Variants in NEDD4L observed in about 807,000 individuals in gnomAD.
NEDD4L encodes E3 ubiquitin-protein ligase NEDD4-like.
NEDD4L carries 54 observed loss-of-function variants against 148.9 expected under a neutral mutation model. The observed-to-expected ratio is 0.36, with a 90% confidence interval of 0.29 to 0.45. The LOEUF (loss-of-function observed/expected upper bound fraction) is 0.45. NEDD4L is among the 20% of genes least tolerant of loss of function. The pLI is 1.00. For synonymous variants in NEDD4L, 433 were observed against 440.7 expected, an observed-to-expected ratio of 0.98 and a Z score of 0.22; for missense variants, 856 against 1,233.8, an observed-to-expected ratio of 0.69 and a Z score of 4.59.
chr18:58,366,093 T>C lies in NEDD4L; in HGVS notation c.1928T>C (p.Val643Ala). Residue 643 changes from valine to alanine, a missense_variant, in exon 21 of 31, where the codon GTC (valine) becomes GCC (alanine). Around this residue, in one of 4 missense-constraint regions of NEDD4L, gnomAD observed 286 missense variants for 531.8 expected, o/e 0.54. Coordinates refer to ENST00000400345, the MANE Select transcript of NEDD4L (RefSeq NM_001144967.3). This position sits in a 1 kb window ranked among gnomAD's most constrained non-coding sequence, Gnocchi z 4.2. ...RRIMSVKRPD[V>A]LKARLWIEFE... Reference sequence around the variant, plus strand: ...ATTATGTCCGTGAAAAGACCAGATGTCCTAAAAGCTAGACTGTGGATTGAG... The same window carrying C: ...ATTATGTCCGTGAAAAGACCAGATGCCCTAAAAGCTAGACTGTGGATTGAG... The C allele has an allele frequency of 1.9e-6, 3 of 1,613,582 alleles. No individual in the cohort carries two copies. Among genetic ancestry groups the C allele is most frequent in the Non-Finnish European group, 2.5e-6 (3 of 1,179,712 alleles).
At chr18:58,386,518 CACTGCCCAGATCGA>C (rs1242977849) in intron 26 of NEDD4L, among the ~76,000 whole-genome samples, 44 of 152,246 alleles carry the variant, frequency 2.9e-4, no homozygotes, top group Non-Finnish European at 4.4e-4. Flanking sequence ...GCAAAGTGGG[CACTGCCCAGATCGA>C]ACTTTTAATA....
chr18:58,310,696 C>T (rs2057587235), intron 5 of NEDD4L, among the ~76,000 whole-genome samples: 2 of 152,196 alleles, frequency 1.3e-5, no homozygotes, highest in South Asian at 4.1e-4. Context: ...AGGTGCCTGA[C>T]AAGTGGAAGG....
intron 30 of NEDD4L, among the ~76,000 whole-genome samples, chr18:58,393,745 A>G (rs17064948): frequency 0.015 from 2,214 of 152,318 alleles, 56 homozygotes; most frequent in African/African-American, 0.051. Context: ...AAATTTTGCC[A>G]TACATAGGTT....
At chr18:58,340,511 G>A (rs887181962) in intron 13 of NEDD4L, among the ~76,000 whole-genome samples, 2 of 152,158 alleles carry the variant, frequency 1.3e-5, no homozygotes, top group Non-Finnish European at 2.9e-5. Flanking sequence ...GTATCCTAGA[G>A]AAGGGGCTCT....
chr18:58,365,890 C>G (rs2046056895), intron 20 of NEDD4L, 109 bp from the exon 21 acceptor site: 1 of 694,784 alleles, frequency 1.4e-6, no homozygotes, highest in Admixed American at 2.8e-5. Context: ...TTGTCACTGC[C>G]TGTTTCTTTG....
At chr18:58,206,125 A>G (rs1029122609) in intron 2 of NEDD4L, among the ~76,000 whole-genome samples, 2 of 152,326 alleles carry the variant, frequency 1.3e-5, no homozygotes, top group African/African-American at 4.8e-5. Flanking sequence ...GCGGTGGCTC[A>G]TCCCTGTAAT....
chr18:58,241,244 GCTATGTAAGTTT>G (rs1204699413), intron 2 of NEDD4L, among the ~76,000 whole-genome samples: 21 of 152,208 alleles, frequency 1.4e-4, no homozygotes, highest in African/African-American at 4.1e-4. Flanking sequence ...GCACAGAGAG[GCTATGTAAGTTT>G]CCCAAAGTCA....
intron 1 of NEDD4L, among the ~76,000 whole-genome samples, chr18:58,079,466 G>A (rs929785982): frequency 7.2e-5 from 11 of 152,126 alleles, no homozygotes; most frequent in African/African-American, 2.7e-4. Context: ...CAACTTTCAC[G>A]ACACCCTATA....
chr18:58,341,557 C>G, intron 14 of NEDD4L, 121 bp from the exon 15 acceptor site: 1 of 1,035,370 alleles, frequency 9.7e-7, no homozygotes, highest in South Asian at 1.7e-5. Context: ...ATTTCCTCCA[C>G]GCTTTAAATA....
intron 5 of NEDD4L, among the ~76,000 whole-genome samples, chr18:58,300,147 CTT>C (rs1418429626): frequency 2.0e-5 from 3 of 152,156 alleles, no homozygotes; most frequent in African/African-American, 7.2e-5. Context: ...TTACTATGCT[CTT>C]TTGTAACACA....
At position 58,114,139 on chromosome 18, in the gene NEDD4L, C is replaced by T. The variant is rs138376108; in HGVS notation, c.49-51649C>T. On this transcript the variant is annotated intron_variant, in intron 1 of 30. Coordinates refer to ENST00000400345, the MANE Select transcript of NEDD4L (RefSeq NM_001144967.3). ...CCACTTTTGAGTTTTTAGGGCTGTG[C>T]ATTCTTAAACAACTCTGAGTGACCC... 8.6e-3 allele frequency among the ~76,000 whole-genome samples: 1,302 copies of T among 152,266 alleles called. 4 individuals are homozygous for T. Among genetic ancestry groups the T allele is most frequent in the Non-Finnish European group, 0.014 (986 of 68,028 alleles).
At chr18:58,358,874 A>ATT (rs879694017) in intron 19 of NEDD4L, among the ~76,000 whole-genome samples, 1 of 150,658 alleles carries the variant, frequency 6.6e-6, no homozygotes, top group Non-Finnish European at 1.5e-5. Context: ...GTGCCTATTC[A>ATT]TTTTTTTTTA....
At chr18:58,155,322 A>T (rs1390118989) in intron 1 of NEDD4L, among the ~76,000 whole-genome samples, 1 of 152,070 alleles carries the variant, frequency 6.6e-6, no homozygotes, top group Non-Finnish European at 1.5e-5. Context: ...TTTAAAAAAA[A>T]AAAAAAACGC....
chr18:58,152,619 T>C (rs931024106), intron 1 of NEDD4L, among the ~76,000 whole-genome samples: 4 of 152,240 alleles, frequency 2.6e-5, no homozygotes, highest in African/African-American at 9.6e-5. Context: ...TTCAGAATCA[T>C]CTGGGTGCTT....
At chr18:58,105,865 G>A (rs145351124) in intron 1 of NEDD4L, among the ~76,000 whole-genome samples, 20 of 152,220 alleles carry the variant, frequency 1.3e-4, no homozygotes, top group Non-Finnish European at 5.9e-5. Flanking sequence ...CTGGGTGGGG[G>A]TCATAGTCTG....
chr18:58,285,098 G>A (rs1033292433), intron 5 of NEDD4L, among the ~76,000 whole-genome samples: 1 of 152,208 alleles, frequency 6.6e-6, no homozygotes, highest in Non-Finnish European at 1.5e-5. Context: ...ATCACTGCCA[G>A]AGAAGAAGAG....
At chr18:58,355,152 A>G (rs1199674399) in intron 18 of NEDD4L, among the ~76,000 whole-genome samples, 1 of 152,094 alleles carries the variant, frequency 6.6e-6, no homozygotes, top group Non-Finnish European at 1.5e-5. Context: ...AGAGCTGTAG[A>G]AGATGTCTTG....
chr18:58,245,647 G>A, intron 3 of NEDD4L, 139 bp downstream of exon 3: 1 of 408,238 alleles, frequency 2.4e-6, no homozygotes, highest in Non-Finnish European at 4.5e-6. Context: ...TAATGGAGCT[G>A]CCATATACAA....
Position 58,130,635 on chromosome 18 carries a change from G to A in NEDD4L, c.49-35153G>A, listed in dbSNP as rs562956455. Among the ~76,000 whole-genome samples the A allele has an allele frequency of 3.3e-4, 47 of 144,590 alleles. 1 individual carries two copies. Among genetic ancestry groups the A allele is most frequent in the Admixed American group, 6.9e-5 (1 of 14,558 alleles). The allele number at this position is 144,590 out of a possible 152,430, so 94.9% of individuals were successfully genotyped here. ...TCTAGCAGAACTGTGGCGGTGTTGGGCTCTGTTGGGGTTTGGTTGACTGTG... is the reference window on the plus strand; with the variant it reads ...TCTAGCAGAACTGTGGCGGTGTTGGACTCTGTTGGGGTTTGGTTGACTGTG... On this transcript the variant is annotated intron_variant, in intron 1 of 30. Transcript: ENST00000400345.
Sources: gnomAD v4.1 joint callset for allele counts (sites outside exome capture counted in the v4.1 genomes callset) on GRCh38, gnomAD v4.1.1 for gene constraint, gnomAD v4.1.1 regional missense constraint, Gnocchi (gnomAD v3.1) non-coding constraint, MANE v1.5 for transcripts, NCBI Gene and HGNC (gene_info 2026-07-23, HGNC 2026-07-21) for gene names.